MTMR7: variants seen among roughly 807,000 people sequenced by gnomAD.
MTMR7 encodes myotubularin related protein 7, also known as phosphatidylinositol-3-phosphate phosphatase MTMR7.
A neutral mutation model predicts 81.2 loss-of-function variants in MTMR7; 76 were observed. That is an observed-to-expected ratio of 0.94 (90% CI 0.78 to 1.13). The LOEUF is 1.13. Ranked by LOEUF, MTMR7 falls within the 50% of genes most tolerant of loss-of-function variation. The pLI is 0.00. For missense variants in MTMR7, 1,044 were observed against 820.0 expected, an observed-to-expected ratio of 1.27 and a Z score of -3.34; for synonymous variants, 372 against 289.8, an observed-to-expected ratio of 1.28 and a Z score of -2.88.
rs1821322173 is a variant in MTMR7, at chr8:17,398,365, G to C, written c.24+14904C>G. The stretch of plus-strand genomic sequence containing the variant: ...ACAAATAGATTCAAATAATTAAAAA[G>C]CATCAAGCAGAAATTCTGGAGTTGA... On this transcript the variant is annotated intron_variant, in intron 1 of 13. Transcript: ENST00000180173. Among the ~76,000 whole-genome samples, 3 of 152,124 alleles carry C rather than the reference G, an allele frequency of 2.0e-5. No individual in the cohort carries two copies. In the South Asian group the frequency reaches 6.2e-4, roughly 31 times the overall value.
chr8:17,327,163 CAAG>C (rs1818724491), intron 7 of MTMR7, among the ~76,000 whole-genome samples: 1 of 152,176 alleles, frequency 6.6e-6, no homozygotes, highest in African/African-American at 2.4e-5. Context: ...ACTTTTCTAT[CAAG>C]AAGGTGAAGT....
At chr8:17,394,982 T>C (rs1206759630) in intron 1 of MTMR7, among the ~76,000 whole-genome samples, 1 of 152,156 alleles carries the variant, frequency 6.6e-6, no homozygotes, top group Admixed American at 6.5e-5. Context: ...TGGCGTTAAG[T>C]ACATTCACTG....
At chr8:17,337,561 T>A (rs1308478123) in intron 6 of MTMR7, among the ~76,000 whole-genome samples, 1 of 152,162 alleles carries the variant, frequency 6.6e-6, no homozygotes, top group East Asian at 1.9e-4. Flanking sequence ...GTATAATTTT[T>A]TTTTGGAATT....
chr8:17,407,281 C>G (rs1312667600), intron 1 of MTMR7, among the ~76,000 whole-genome samples: 3 of 151,752 alleles, frequency 2.0e-5, no homozygotes, highest in Non-Finnish European at 1.5e-5. Context: ...AAAAAATACA[C>G]TAAAAGAATG....
intron 4 of MTMR7, among the ~76,000 whole-genome samples, chr8:17,360,907 G>A (rs899340353): frequency 6.6e-6 from 1 of 152,158 alleles, no homozygotes; most frequent in East Asian, 1.9e-4. Context: ...TGAAGGGTCT[G>A]GAAGGGGTGA....
chr8:17,405,653 A>G (rs1821556633), intron 1 of MTMR7, among the ~76,000 whole-genome samples: 1 of 152,210 alleles, frequency 6.6e-6, no homozygotes. Flanking sequence ...AAAAGATAGT[A>G]TAGAACAAAA....
chr8:17,322,709 C>T (rs1362159254), intron 7 of MTMR7, among the ~76,000 whole-genome samples: 2 of 152,032 alleles, frequency 1.3e-5, no homozygotes, highest in Non-Finnish European at 2.9e-5. Context: ...CCTGTAGTCC[C>T]AGATACTCAG....
chr8:17,334,257 G>A (rs925352737), intron 6 of MTMR7, among the ~76,000 whole-genome samples: 11 of 152,140 alleles, frequency 7.2e-5, no homozygotes, highest in African/African-American at 2.4e-4. Context: ...CAGGAGATAC[G>A]GTTTTACAAT....
In MTMR7 at chr8:17,298,078, C is replaced by G. The variant is rs1816846548; in HGVS notation, c.*1784G>C. The G allele has an allele frequency of 6.6e-6, 1 of 151,950 alleles. No individual in the cohort carries two copies. Among genetic ancestry groups the G allele is most frequent in the Non-Finnish European group, 1.5e-5 (1 of 67,888 alleles). The allele number at this position is 151,950 out of a possible 1,614,324, so 9.4% of individuals were successfully genotyped here. On this transcript the variant is annotated 3_prime_UTR_variant, in exon 14 of 14. Transcript: ENST00000180173. The stretch of plus-strand genomic sequence containing the variant: ...TATTGTTTTTATAGACATACACTGT[C>G]AAACGGAAGAAATTAAAGCCACATC...
chr8:17,309,335 G>A lies in MTMR7; in HGVS notation c.1102-9C>T, dbSNP rs1817661442. ...TCCTTTTCAATTAATACCTACACAAGAAAGAATACAAATATCTTGGAGAGA... is the reference window on the plus strand; with the variant it reads ...TCCTTTTCAATTAATACCTACACAAAAAAGAATACAAATATCTTGGAGAGA... On this transcript the variant is annotated splice_polypyrimidine_tract_variant and intron_variant, in intron 9 of 13. Transcript: ENST00000180173. 4 of 1,541,476 alleles carry A rather than the reference G, an allele frequency of 2.6e-6. No homozygotes were observed. The highest frequency in any genetic ancestry group is 3.6e-6 in the Non-Finnish European group (4 of 1,116,392).
chr8:17,301,138 G>A (rs1395698148), intron 13 of MTMR7, among the ~76,000 whole-genome samples: 1 of 152,202 alleles, frequency 6.6e-6, no homozygotes, highest in Non-Finnish European at 1.5e-5. Context: ...ATTCACTTAG[G>A]TTATGTGCAA....
chr8:17,382,948 TG>T (rs1820804048), intron 1 of MTMR7, among the ~76,000 whole-genome samples: 1 of 152,070 alleles, frequency 6.6e-6, no homozygotes, highest in South Asian at 2.1e-4. Context: ...TGCAGGGCAT[TG>T]GCTGTAAGAA....
At chr8:17,330,641 C>T (rs1322105679) in intron 7 of MTMR7, among the ~76,000 whole-genome samples, 2 of 152,144 alleles carry the variant, frequency 1.3e-5, no homozygotes, top group East Asian at 3.9e-4. Flanking sequence ...GTCATGTTCG[C>T]CATATATGTC....
At chr8:17,328,722 T>C (rs905435192) in intron 7 of MTMR7, among the ~76,000 whole-genome samples, 1 of 151,878 alleles carries the variant, frequency 6.6e-6, no homozygotes, top group South Asian at 2.1e-4. Context: ...AAATTTTAAA[T>C]AAAAAAAGAA....
In MTMR7 at chr8:17,305,880, A is replaced by C; in HGVS notation, c.1229T>G (p.Met410Arg). The change falls in exon 11 of 14, where the codon ATG (methionine) becomes AGG (arginine). Residue 410 changes from methionine (M) to arginine (R), a missense_variant. Met to Arg is a moderately conservative substitution (Grantham distance 91, BLOSUM62 -1). Coordinates refer to ENST00000180173, the MANE Select transcript of MTMR7 (RefSeq NM_004686.5). ...CTCAAAGGCACAGGGAAATTGTTCCATTAACTGCCAAACACACTCAATGAA... is the reference window on the plus strand; with the variant it reads ...CTCAAAGGCACAGGGAAATTGTTCCCTTAACTGCCAAACACACTCAATGAA... ...DQFIECVWQL[M>R]EQFPCAFEFN... is the part of the protein sequence containing the mutation. 6.2e-7 allele frequency: 1 copy of C among 1,613,830 alleles called. No individual in the cohort carries two copies. The highest frequency in any genetic ancestry group is 8.5e-7 in the Non-Finnish European group (1 of 1,179,746).
chr8:17,353,148 C>T (rs1479115586), intron 4 of MTMR7, among the ~76,000 whole-genome samples: 2 of 152,150 alleles, frequency 1.3e-5, no homozygotes, highest in Non-Finnish European at 2.9e-5. Context: ...TGCTATAACA[C>T]AGATGAACCT....
At chr8:17,373,358 C>G (rs778971922) in intron 1 of MTMR7, 118 bp from the exon 2 acceptor site, 1 of 1,292,028 alleles carries the variant, frequency 7.7e-7, no homozygotes, top group Non-Finnish European at 1.0e-6. Context: ...AGAATTCCCC[C>G]AATAATAAAA....
chr8:17,402,425 C>G (rs995560184), intron 1 of MTMR7, among the ~76,000 whole-genome samples: 4 of 152,168 alleles, frequency 2.6e-5, no homozygotes, highest in African/African-American at 9.7e-5. Flanking sequence ...CCTTCCCCAG[C>G]CTCTGATAAC....
At chr8:17,337,461 G>A (rs1050014190) in intron 6 of MTMR7, among the ~76,000 whole-genome samples, 4 of 151,844 alleles carry the variant, frequency 2.6e-5, no homozygotes, top group African/African-American at 9.7e-5. Context: ...CAGTGAGTTA[G>A]CCCTCATTTG....
Sources: allele counts gnomAD v4.1 joint callset (sites outside exome capture counted in the v4.1 genomes callset), GRCh38; gene constraint gnomAD v4.1.1; transcripts MANE v1.5; gene names NCBI Gene and HGNC (gene_info 2026-07-23, HGNC 2026-07-21).